The following RFTN1 variants were observed in gnomAD, a reference collection of about 807,000 sequenced individuals.
RFTN1 encodes raftlin.
RFTN1 carries 26 observed loss-of-function variants against 46.5 expected under a neutral mutation model. The ratio of observed to expected loss-of-function variants is 0.56; its 90% CI spans 0.41 to 0.78. The LOEUF (loss-of-function observed/expected upper bound fraction) is 0.78. Among genes scored for constraint, RFTN1 ranks in the 30% least tolerant of loss-of-function variants. The pLI, the probability that RFTN1 is intolerant of heterozygous loss-of-function variation, is 0.00. For missense variants in RFTN1, 693 were observed against 718.7 expected, an observed-to-expected ratio of 0.96 and a Z score of 0.41; for synonymous variants, 261 against 284.2, an observed-to-expected ratio of 0.92 and a Z score of 0.82.
In RFTN1 at chr3:16,360,240, C is replaced by T. The variant is rs143605849; in HGVS notation, c.1031-2193G>A. ...AGACTGGAGTGCCATGGCACAATCA[C>T]GGCTCACTGCAGCCTCAACCTCCTG... is the stretch of plus-strand genomic sequence containing the variant. On this transcript the variant is annotated intron_variant, in intron 6 of 9. Transcript: ENST00000334133. 2.0e-4 allele frequency among the ~76,000 whole-genome samples: 30 copies of T among 151,980 alleles called. No homozygotes were observed. The East Asian group carries it at 4.8e-3, about 24-fold the overall frequency.
rs989832553 is a variant in RFTN1, at chr3:16,425,790, G to A, written c.332+8061C>T. 6.6e-5 allele frequency among the ~76,000 whole-genome samples: 10 copies of A among 152,132 alleles called. No individual in the cohort carries two copies. Among genetic ancestry groups the A allele is most frequent in the Admixed American group, 2.0e-4 (3 of 15,270 alleles). ...CACCAGAAAAGGGTGTCACTCCAGA[G>A]TGAGATGGGAAAATAAGAGGAATAA... On this transcript the variant is annotated intron_variant, in intron 3 of 9. Transcript: ENST00000334133. The surrounding 1 kb of genome is among the most constrained non-coding windows in gnomAD (Gnocchi z 4.3).
rs1043138897 is a variant in RFTN1 at position 16,433,071 on chromosome 3, T to G, written c.332+780A>C. 6.6e-6 allele frequency among the ~76,000 whole-genome samples: 1 copy of G among 152,228 alleles called. No homozygotes were observed. Among genetic ancestry groups the G allele is most frequent in the Non-Finnish European group, 1.5e-5 (1 of 68,034 alleles). On this transcript the variant is annotated intron_variant, in intron 3 of 9. Coordinates refer to ENST00000334133, the MANE Select transcript of RFTN1 (RefSeq NM_015150.2). This position sits in a 1 kb window ranked among gnomAD's most constrained non-coding sequence, Gnocchi z 4.4. Reference sequence around the variant, plus strand: ...CATGCTGTCATTCCTTCTATGATAGTTGGCCAAAAGACAAATCTGATTTCC... The same window carrying G: ...CATGCTGTCATTCCTTCTATGATAGGTGGCCAAAAGACAAATCTGATTTCC...
intron 7 of RFTN1, among the ~76,000 whole-genome samples, chr3:16,354,608 A>G (rs2072310457): frequency 6.6e-6 from 1 of 152,226 alleles, no homozygotes. Flanking sequence ...GGTGAATAGC[A>G]TATGGCATCC....
At chr3:16,492,376 C>T (rs7624325) in intron 2 of RFTN1, among the ~76,000 whole-genome samples, 2,679 of 152,272 alleles carry the variant, frequency 0.018, 36 homozygotes, top group Non-Finnish European at 0.024. Flanking sequence ...CATTGTGCTA[C>T]GAGCTTCACA....
Position 16,505,897 on chromosome 3 carries a change from T to C in RFTN1, c.-9+7545A>G, listed in dbSNP as rs146701756. ...ATTGATTCATCCAATAAATAAGTAA[T>C]GAGCACTTACTATGTGCAAGGCCCT... is the stretch of plus-strand genomic sequence containing the variant. On this transcript the variant is annotated intron_variant, in intron 1 of 9. Transcript: ENST00000334133. Among the ~76,000 whole-genome samples the C allele has an allele frequency of 1.5e-3, 226 of 152,300 alleles. 4 individuals are homozygous for C. The highest frequency in any genetic ancestry group is 2.4e-3 in the Admixed American group (36 of 15,306).
intron 2 of RFTN1, chr3:16,471,902 G>A (rs1419042618): frequency 6.6e-6 from 1 of 152,146 alleles, no homozygotes; most frequent in African/African-American, 2.4e-5. Context: ...TTACATGAGT[G>A]TTTTTCTATT....
At chr3:16,414,126 A>G (rs2075026048) in intron 3 of RFTN1, among the ~76,000 whole-genome samples, 1 of 152,174 alleles carries the variant, frequency 6.6e-6, no homozygotes, top group Non-Finnish European at 1.5e-5. Context: ...TTCATTAAAT[A>G]TGGACCACAC....
At chr3:16,435,216 A>G (rs2075479487) in intron 2 of RFTN1, among the ~76,000 whole-genome samples, 2 of 152,260 alleles carry the variant, frequency 1.3e-5, no homozygotes, top group Admixed American at 1.3e-4. Context: ...CCTCTTCTAC[A>G]CAAATGTCAG....
intron 7 of RFTN1, among the ~76,000 whole-genome samples, chr3:16,347,077 T>C (rs1210409552): frequency 6.6e-6 from 1 of 152,212 alleles, no homozygotes. Context: ...CCTGGGCTTC[T>C]GTTGGCCTTT....
At chr3:16,388,832 G>T (rs1420819134) in intron 4 of RFTN1, among the ~76,000 whole-genome samples, 1 of 152,114 alleles carries the variant, frequency 6.6e-6, no homozygotes, top group African/African-American at 2.4e-5. Context: ...ACAGTTTTTT[G>T]GAGTTGCTGA....
At chr3:16,394,941 G>C (rs1370558357) in intron 4 of RFTN1, among the ~76,000 whole-genome samples, 1 of 152,084 alleles carries the variant, frequency 6.6e-6, no homozygotes, top group Non-Finnish European at 1.5e-5. Context: ...GGATGAGCTT[G>C]AAACTGTGTT....
chr3:16,371,354 C>G (rs1045749188), intron 5 of RFTN1, among the ~76,000 whole-genome samples: 1 of 152,148 alleles, frequency 6.6e-6, no homozygotes, highest in African/African-American at 2.4e-5. Context: ...TTTGTGGTAT[C>G]CAAGTACTAG....
rs1024669582 is a variant in RFTN1, at chr3:16,475,352, T to G, written c.145+18373A>C. ...AGAGTTTTGCTTACCAGCCCCACAATTTTTGAATCTGCAGATTTGGAGCTG... is the reference window on the plus strand; with the variant it reads ...AGAGTTTTGCTTACCAGCCCCACAAGTTTTGAATCTGCAGATTTGGAGCTG... On this transcript the variant is annotated intron_variant, in intron 2 of 9. Transcript: ENST00000334133. This position sits in a 1 kb window ranked among gnomAD's most constrained non-coding sequence, Gnocchi z 4.2. Among the ~76,000 whole-genome samples the G allele has an allele frequency of 6.6e-6, 1 of 152,208 alleles. No individual in the cohort carries two copies. The highest frequency in any genetic ancestry group is 1.5e-5 in the Non-Finnish European group (1 of 68,040).
At chr3:16,396,978 GC>G (rs202101692) in intron 4 of RFTN1, among the ~76,000 whole-genome samples, 6,759 of 151,238 alleles carry the variant, frequency 0.045, 187 homozygotes, top group South Asian at 0.068. Flanking sequence ...CAGGAGAATC[GC>G]TTGAACCTGG....
intron 6 of RFTN1, among the ~76,000 whole-genome samples, chr3:16,368,861 C>T (rs140194705): frequency 1.1e-4 from 17 of 152,282 alleles, no homozygotes; most frequent in African/African-American, 2.4e-4. Context: ...AGCCGGTGGC[C>T]GCCATACTGG....
chr3:16,464,356 CTCT>C (rs1455040444), intron 2 of RFTN1, among the ~76,000 whole-genome samples: 10 of 152,184 alleles, frequency 6.6e-5, no homozygotes, highest in Non-Finnish European at 1.5e-4. Flanking sequence ...CTCCACAGTT[CTCT>C]TCTTCTTGAT....
chr3:16,482,502 G>C lies in RFTN1; in HGVS notation c.145+11223C>G, dbSNP rs148006961. Among the ~76,000 whole-genome samples, 13 of 152,232 alleles carry C rather than the reference G, an allele frequency of 8.5e-5. No homozygotes were observed. The East Asian group carries it at 1.7e-3, about 20-fold the overall frequency. On this transcript the variant is annotated intron_variant, in intron 2 of 9. Transcript: ENST00000334133. ...CCAACCAAATCTCAAAGCCATACCC[G>C]AGGGACCTTTGGTATTGTCCACAAT...
chr3:16,381,230 T>C lies in RFTN1; in HGVS notation c.442-3128A>G, dbSNP rs988309129. 2.6e-5 allele frequency among the ~76,000 whole-genome samples: 4 copies of C among 152,170 alleles called. No individual in the cohort carries two copies. Among genetic ancestry groups the C allele is most frequent in the Admixed American group, 6.5e-5 (1 of 15,288 alleles). On this transcript the variant is annotated intron_variant, in intron 4 of 9. Coordinates refer to ENST00000334133, the MANE Select transcript of RFTN1 (RefSeq NM_015150.2). The surrounding 1 kb of genome is among the most constrained non-coding windows in gnomAD (Gnocchi z 4.2). The stretch of plus-strand genomic sequence containing the variant: ...ACAGTCACCAAAATGAAAACAGCAC[T>C]GTATTTGGGGAGTGGGGCTATAAGT...
chr3:16,456,983 G>A (rs2075919393), intron 2 of RFTN1, among the ~76,000 whole-genome samples: 1 of 152,172 alleles, frequency 6.6e-6, no homozygotes, highest in Admixed American at 6.5e-5. Context: ...AACACTCTGT[G>A]TATTATGTGT....
Sources: allele counts gnomAD v4.1 joint callset (sites outside exome capture counted in the v4.1 genomes callset), GRCh38; gene constraint gnomAD v4.1.1; non-coding constraint Gnocchi (gnomAD v3.1); transcripts MANE v1.5; gene names NCBI Gene and HGNC (gene_info 2026-07-23, HGNC 2026-07-21).